Variants in CDH5 observed in about 807,000 individuals in gnomAD.
CDH5 encodes cadherin 5.
A neutral mutation model predicts 62.0 loss-of-function variants in CDH5; 28 were observed. The ratio of observed to expected loss-of-function variants is 0.45; its 90% CI spans 0.33 to 0.62. The LOEUF (loss-of-function observed/expected upper bound fraction) is 0.62, where lower values mean the gene tolerates loss of function less well. CDH5 is among the 20% of genes least tolerant of loss of function. The pLI is 0.02. For missense variants in CDH5, 940 were observed against 1,065.1 expected (o/e 0.88, Z 1.63); for synonymous variants, 464 against 445.8 (o/e 1.04, Z -0.52).
Position 66,404,546 on chromosome 16 carries a change from C to T in CDH5, c.*1377C>T, listed in dbSNP as rs938201931. On this transcript the variant is annotated 3_prime_UTR_variant, in exon 12 of 12. Transcript: ENST00000341529. ...ATGATTTTTTTACTAATGATACTTA[C>T]AAGTTTCTAGCTCTCACAGACATAT... The T allele has an allele frequency of 6.6e-6, 1 of 152,294 alleles. No individual in the cohort carries two copies. Among genetic ancestry groups the T allele is most frequent in the Non-Finnish European group, 1.5e-5 (1 of 68,046 alleles). The allele number at this position is 152,294 out of a possible 1,614,324, so 9.4% of individuals were successfully genotyped here.
intron 6 of CDH5, among the ~76,000 whole-genome samples, chr16:66,391,523 A>G (rs1961083884): frequency 6.6e-6 from 1 of 152,110 alleles, no homozygotes; most frequent in Admixed American, 6.5e-5. Flanking sequence ...CTCTAATCCC[A>G]GCACTTTGTG....
intron 3 of CDH5, 115 bp downstream of exon 3, chr16:66,387,212 T>C (rs959050123): frequency 2.1e-6 from 2 of 934,604 alleles, no homozygotes; most frequent in Middle Eastern, 3.4e-4. Context: ...AGGGTAGTGA[T>C]TGTAATGCCT....
chr16:66,370,220 G>A (rs141094771), intron 1 of CDH5, among the ~76,000 whole-genome samples: 1,613 of 152,182 alleles, frequency 0.011, 31 homozygotes, highest in African/African-American at 0.037. Flanking sequence ...GGCTGGTTGC[G>A]AACTCCTGAC....
In CDH5 at chr16:66,389,421, T is replaced by C; in HGVS notation, c.680T>C (p.Val227Ala). The change falls in exon 5 of 12, where the codon GTG becomes GCG. Residue 227 changes from valine (V) to alanine (A), a missense_variant. Transcript: ENST00000341529. Reference protein sequence around the residue: ...REKQARYEIVVEARDAQGLRG... With the variant: ...REKQARYEIVAEARDAQGLRG... ...AAGCAGGCCAGGTATGAGATCGTGG[T>C]GGAAGCGCGAGATGCCCAGGGCCTC... The C allele has an allele frequency of 6.2e-7, 1 of 1,613,266 alleles. No individual in the cohort carries two copies. The highest frequency in any genetic ancestry group is 1.3e-5 in the African/African-American group (1 of 74,950).
intron 1 of CDH5, among the ~76,000 whole-genome samples, chr16:66,375,117 G>C (rs944157681): frequency 6.6e-6 from 1 of 152,318 alleles, no homozygotes; most frequent in East Asian, 1.9e-4. Flanking sequence ...GTACGGTACA[G>C]TCTATTGCTC....
At position 66,372,571 on chromosome 16, in the gene CDH5, A is replaced by T. The variant is rs1352551734; in HGVS notation, c.-20+5813A>T. Among the ~76,000 whole-genome samples, 4 of 152,300 alleles carry T rather than the reference A, an allele frequency of 2.6e-5. No individual in the cohort carries two copies. In the East Asian group the frequency reaches 7.8e-4, roughly 30 times the overall value. The stretch of plus-strand genomic sequence containing the variant: ...GGAGAGGAGCAGAAAGAGCCGCAGG[A>T]GCCCCAACCTTTTCTCAGGCTGCCC... On this transcript the variant is annotated intron_variant, in intron 1 of 11. Coordinates refer to ENST00000341529, the MANE Select transcript of CDH5 (RefSeq NM_001795.5).
At chr16:66,369,208 C>A (rs2142300559) in intron 1 of CDH5, among the ~76,000 whole-genome samples, 1 of 152,256 alleles carries the variant, frequency 6.6e-6, no homozygotes, top group East Asian at 1.9e-4. Flanking sequence ...GACCCAGGGG[C>A]AGGCCGGGCT....
intron 1 of CDH5, among the ~76,000 whole-genome samples, chr16:66,369,098 G>A (rs1567458422): frequency 6.6e-6 from 1 of 152,186 alleles, no homozygotes; most frequent in Non-Finnish European, 1.5e-5. Context: ...GTAGGGGATG[G>A]TCCCTAAACT....
intron 1 of CDH5, among the ~76,000 whole-genome samples, chr16:66,367,979 G>A (rs922024470): frequency 1.3e-5 from 2 of 152,146 alleles, no homozygotes; most frequent in Non-Finnish European, 2.9e-5. Context: ...GGCCCTTGAG[G>A]TATGGTCAAA....
intron 11 of CDH5, among the ~76,000 whole-genome samples, chr16:66,402,076 C>G (rs1961292601): frequency 6.6e-6 from 1 of 152,152 alleles, no homozygotes; most frequent in Admixed American, 6.5e-5. Context: ...ACCTCACAAC[C>G]ATCCTCCCAA....
chr16:66,391,435 G>T (rs1346239656), intron 6 of CDH5, among the ~76,000 whole-genome samples: 1 of 152,018 alleles, frequency 6.6e-6, no homozygotes, highest in Non-Finnish European at 1.5e-5. Context: ...GAGTTTTCTA[G>T]GCAGGCAAGG....
Position 66,400,965 on chromosome 16 carries a change from G to T in CDH5, c.1786G>T (p.Val596Leu). The change falls in exon 11 of 12, where the codon GTG becomes TTG. Residue 596 changes from valine (V) to leucine (L), a missense_variant. Physicochemically the swap from Val to Leu is conservative, Grantham distance 32. Transcript: ENST00000341529. ...CGAGGATATGGCCGCCCAGGTGGGC[G>T]TGAGCATCCAGGCAGTGGTAGCCAT... is the stretch of plus-strand genomic sequence containing the variant. Reference protein sequence around the residue: ...FCEDMAAQVGVSIQAVVAILL... With the variant: ...FCEDMAAQVGLSIQAVVAILL... The T allele has an allele frequency of 6.2e-7, 1 of 1,614,106 alleles. No homozygotes were observed. The highest frequency in any genetic ancestry group is 8.5e-7 in the Non-Finnish European group (1 of 1,180,040).
Position 66,387,451 on chromosome 16 carries a change from G to A in CDH5, c.499+354G>A, listed in dbSNP as rs3785285. On this transcript the variant is annotated intron_variant, in intron 3 of 11. Transcript: ENST00000341529. ...CACAGACCAAGCCCTGATCCTGATCGTGGACTGAGCCCTGACCCTAGTCAT... is the reference window on the plus strand; with the variant it reads ...CACAGACCAAGCCCTGATCCTGATCATGGACTGAGCCCTGACCCTAGTCAT... Among the ~76,000 whole-genome samples the A allele has an allele frequency of 7.3e-5, 11 of 151,464 alleles. No individual in the cohort carries two copies. The East Asian group carries it at 1.4e-3, about 19-fold the overall frequency.
At chr16:66,380,430 T>TGTGATGATG (rs1218169183) in intron 2 of CDH5, among the ~76,000 whole-genome samples, 1 of 138,878 alleles carries the variant, frequency 7.2e-6, no homozygotes. Flanking sequence ...AGGTGGTCGT[T>TGTGATGATG]GTGATGATGG....
intron 4 of CDH5, 94 bp from the exon 5 acceptor site, chr16:66,389,264 G>A: frequency 1.6e-6 from 2 of 1,227,716 alleles, no homozygotes; most frequent in Non-Finnish European, 2.3e-6. Context: ...AATCACCAGG[G>A]AAGCTCTTAA....
intron 8 of CDH5, 107 bp downstream of exon 8, chr16:66,396,308 C>G: frequency 1.5e-6 from 2 of 1,367,130 alleles, no homozygotes; most frequent in Non-Finnish European, 2.1e-6. Context: ...TTAGAAGTGC[C>G]TGCTGAAGCA....
intron 7 of CDH5, among the ~76,000 whole-genome samples, chr16:66,395,212 T>G (rs1251412205): frequency 6.6e-6 from 1 of 151,244 alleles, no homozygotes; most frequent in African/African-American, 2.4e-5. Context: ...AACACCTAGA[T>G]GTATTCGTAT....
At chr16:66,402,204 AG>A (rs1961294673) in intron 11 of CDH5, among the ~76,000 whole-genome samples, 1 of 151,510 alleles carries the variant, frequency 6.6e-6, no homozygotes, top group Admixed American at 6.6e-5. Context: ...TAGTTTGTTC[AG>A]TAACTCAAAG....
rs1188755774 is a variant in CDH5, at chr16:66,401,033, G to A, written c.1837+17G>A. The A allele has an allele frequency of 6.2e-7, 1 of 1,613,594 alleles. No individual in the cohort carries two copies. Among genetic ancestry groups the A allele is most frequent in the Non-Finnish European group, 8.5e-7 (1 of 1,180,030 alleles). Reference sequence around the variant, plus strand: ...CCATCACAGGTCAGTGCTGGGCAGGGTGGGGAGAAGACACAGTGGGTGGAA... The same window carrying A: ...CCATCACAGGTCAGTGCTGGGCAGGATGGGGAGAAGACACAGTGGGTGGAA... On this transcript the variant is annotated intron_variant, in intron 11 of 11. Transcript: ENST00000341529.
Sources: allele counts gnomAD v4.1 joint callset (sites outside exome capture counted in the v4.1 genomes callset), GRCh38; gene constraint gnomAD v4.1.1; transcripts MANE v1.5; gene names NCBI Gene and HGNC (gene_info 2026-07-23, HGNC 2026-07-21).